The following MTMR12 variants were observed in gnomAD, a reference collection of about 807,000 sequenced individuals.
The protein encoded by MTMR12 is myotubularin-related protein 12.
A neutral mutation model predicts 96.7 loss-of-function variants in MTMR12; 33 were observed. The observed-to-expected ratio is 0.34, with a 90% CI of 0.26 to 0.46. MTMR12 has a LOEUF of 0.46. MTMR12 is among the 20% of genes least tolerant of loss of function. MTMR12 has a pLI of 1.00. For missense variants in MTMR12, 721 were observed against 896.1 expected (o/e 0.80, Z 2.49); for synonymous variants, 298 against 327.2 (o/e 0.91, Z 0.96).
intron 1 of MTMR12, among the ~76,000 whole-genome samples, chr5:32,295,593 A>G (rs770224200): frequency 6.6e-6 from 1 of 152,220 alleles, no homozygotes; most frequent in Non-Finnish European, 1.5e-5. Flanking sequence ...CTACGAATCT[A>G]TTATCCACAA....
chr5:32,247,895 G>A, intron 10 of MTMR12, 107 bp downstream of exon 10: 1 of 1,476,288 alleles, frequency 6.8e-7, no homozygotes, highest in African/African-American at 1.4e-5. Context: ...CCTGGGCTCT[G>A]CGTACTAACG....
At chr5:32,269,690 AACG>A (rs1267157145) in intron 5 of MTMR12, among the ~76,000 whole-genome samples, 5 of 152,206 alleles carry the variant, frequency 3.3e-5, no homozygotes. Flanking sequence ...AGTGCTAAAA[AACG>A]TAAGTGCCAC....
intron 10 of MTMR12, chr5:32,247,589 G>T: frequency 3.2e-6 from 1 of 307,818 alleles, no homozygotes; most frequent in Non-Finnish European, 4.7e-6. Flanking sequence ...TCCCAATCAG[G>T]GGAAAAAATT....
At chr5:32,283,521 T>C (rs1396498852) in intron 1 of MTMR12, among the ~76,000 whole-genome samples, 1 of 152,206 alleles carries the variant, frequency 6.6e-6, no homozygotes, top group East Asian at 1.9e-4. Flanking sequence ...TGCTAGTATG[T>C]GGCACAGGTG....
At chr5:32,276,919 C>T (rs1750078469) in intron 1 of MTMR12, among the ~76,000 whole-genome samples, 177 bp from the exon 2 acceptor site, 1 of 107,732 alleles carries the variant, frequency 9.3e-6, no homozygotes, top group Non-Finnish European at 1.7e-5. Flanking sequence ...TGGAGTCTCA[C>T]TCTGTTGCCA....
chr5:32,302,878 T>G (rs541034288), intron 1 of MTMR12, among the ~76,000 whole-genome samples: 57 of 152,242 alleles, frequency 3.7e-4, no homozygotes, highest in African/African-American at 1.3e-3. Flanking sequence ...CATTCGCAAA[T>G]GTATAAAGGA....
Position 32,300,361 on chromosome 5 carries a change from T to A in MTMR12, c.81+12397A>T, listed in dbSNP as rs535736858. On this transcript the variant is annotated intron_variant, in intron 1 of 15. Transcript: ENST00000382142. Reference sequence around the variant, plus strand: ...GTAAGAAAAGGAAGTCTCGGATAGGTGAAGTTACATGTCTAAGGTCACCAC... The same window carrying A: ...GTAAGAAAAGGAAGTCTCGGATAGGAGAAGTTACATGTCTAAGGTCACCAC... 7.2e-5 allele frequency among the ~76,000 whole-genome samples: 11 copies of A among 152,184 alleles called. No homozygotes were observed. The South Asian group carries it at 1.5e-3, about 20-fold the overall frequency.
rs185952205 is a variant in MTMR12 at position 32,279,613 on chromosome 5, G to A, written c.82-2871C>T. Among the ~76,000 whole-genome samples, 150 of 152,300 alleles carry A rather than the reference G, an allele frequency of 9.8e-4. 2 individuals carry two copies. The highest frequency in any genetic ancestry group is 5.8e-3 in the Admixed American group (89 of 15,298). On this transcript the variant is annotated intron_variant, in intron 1 of 15. Transcript: ENST00000382142. ...GATCAGAACAAATAAGAAAAATTCCGTTAGGAGAACTACTTCACATTCAAG... is the reference window on the plus strand; with the variant it reads ...GATCAGAACAAATAAGAAAAATTCCATTAGGAGAACTACTTCACATTCAAG...
At chr5:32,249,886 T>G (rs1454593570) in intron 8 of MTMR12, among the ~76,000 whole-genome samples, 1 of 152,260 alleles carries the variant, frequency 6.6e-6, no homozygotes, top group Non-Finnish European at 1.5e-5. Flanking sequence ...CTTTGAGTCC[T>G]GCATAAAGGC....
chr5:32,237,633 C>G (rs1748290499), intron 13 of MTMR12, among the ~76,000 whole-genome samples: 1 of 152,036 alleles, frequency 6.6e-6, no homozygotes, highest in Non-Finnish European at 1.5e-5. Context: ...GCCTCAGCCT[C>G]CCAAGTAGCT....
intron 7 of MTMR12, among the ~76,000 whole-genome samples, chr5:32,262,758 T>C (rs1749416270): frequency 6.6e-6 from 1 of 152,170 alleles, no homozygotes; most frequent in Non-Finnish European, 1.5e-5. Flanking sequence ...TAAAAAAGAA[T>C]GAGATTCTGA....
chr5:32,300,345 G>A (rs576363313), intron 1 of MTMR12, among the ~76,000 whole-genome samples: 1 of 152,146 alleles, frequency 6.6e-6, no homozygotes, highest in Non-Finnish European at 1.5e-5. Context: ...GGTAAGAAAA[G>A]GAAGTCTCGG....
At chr5:32,270,759 G>C (rs1319979411) in intron 5 of MTMR12, 58 bp downstream of exon 5, 3 of 1,536,474 alleles carry the variant, frequency 2.0e-6, no homozygotes, top group African/African-American at 1.4e-5. Flanking sequence ...GCAAAAACTA[G>C]AGCTAGTGGG....
At chr5:32,240,664 A>G (rs1416019443) in intron 12 of MTMR12, among the ~76,000 whole-genome samples, 1 of 152,158 alleles carries the variant, frequency 6.6e-6, no homozygotes, top group African/African-American at 2.4e-5. Context: ...GCAGCGGCAC[A>G]ATCTTGGCTC....
chr5:32,228,589 GTGAT>G lies in MTMR12; in HGVS notation c.*1185_*1188del, dbSNP rs1561727193. ...TATATCATATATATATCATATATAT[GTGAT>G]ATATATATATATATCATATATATGA... On this transcript the variant is annotated 3_prime_UTR_variant, in exon 16 of 16. Transcript: ENST00000382142. The G allele has an allele frequency of 9.7e-6, 1 of 103,268 alleles. No individual in the cohort carries two copies. Among genetic ancestry groups the G allele is most frequent in the African/African-American group, 4.2e-5 (1 of 23,578 alleles). The allele number at this position is 103,268 out of a possible 1,614,324, so 6.4% of individuals were successfully genotyped here. A position where few individuals can be genotyped will look rare whatever the true frequency, so the allele number is the denominator to read the frequency against.
chr5:32,302,712 A>C (rs926106059), intron 1 of MTMR12, among the ~76,000 whole-genome samples: 4 of 151,450 alleles, frequency 2.6e-5, no homozygotes, highest in Non-Finnish European at 5.9e-5. Context: ...CGACAGAGCA[A>C]GACTCCGTAT....
intron 1 of MTMR12, among the ~76,000 whole-genome samples, chr5:32,296,192 T>C (rs1214255483): frequency 2.0e-5 from 3 of 151,994 alleles, no homozygotes; most frequent in East Asian, 1.9e-4. Flanking sequence ...TAAGATATAA[T>C]TGAGGTCAGA....
chr5:32,270,251 T>C (rs771953100), intron 5 of MTMR12, among the ~76,000 whole-genome samples: 4 of 152,094 alleles, frequency 2.6e-5, no homozygotes, highest in African/African-American at 9.7e-5. Flanking sequence ...AAACATCAAA[T>C]TGATACAACC....
At chr5:32,280,003 C>T (rs1392219298) in intron 1 of MTMR12, among the ~76,000 whole-genome samples, 1 of 152,206 alleles carries the variant, frequency 6.6e-6, no homozygotes, top group African/African-American at 2.4e-5. Context: ...GACAAAAGCA[C>T]ATGGATGTTA....
Sources: allele counts gnomAD v4.1 joint callset (sites outside exome capture counted in the v4.1 genomes callset), GRCh38; gene constraint gnomAD v4.1.1; transcripts MANE v1.5; gene names NCBI Gene and HGNC (gene_info 2026-07-23, HGNC 2026-07-21).